Variants in PGM2L1 observed in about 807,000 individuals in gnomAD.
The protein encoded by PGM2L1 is phosphoglucomutase 2 like 1, also known as glucose 1,6-bisphosphate synthase.
In PGM2L1, 35 loss-of-function variants were observed where a neutral mutation model predicts 73.4. The observed-to-expected ratio is 0.48, with a 90% CI of 0.36 to 0.63. The LOEUF (loss-of-function observed/expected upper bound fraction) is 0.63, where lower values mean the gene tolerates loss of function less well. PGM2L1 is among the 30% of genes least tolerant of loss of function. The pLI is 0.00. For missense variants in PGM2L1, 570 were observed against 742.0 expected (o/e 0.77, Z 2.69); for synonymous variants, 225 against 253.8 (o/e 0.89, Z 1.08).
rs1360302132 is a variant in PGM2L1, at chr11:74,371,755, C to T, written c.342G>A (p.Gly114=). ...SDFKQRGFVV[G]YDTRGQVTSS... is the part of the protein sequence containing the mutation. ...TAGTTACTTGACCCCGAGTGTCATACCCAACCACAAAGCCTCTCTGCTTGA... is the reference window on the plus strand; with the variant it reads ...TAGTTACTTGACCCCGAGTGTCATATCCAACCACAAAGCCTCTCTGCTTGA... The change falls in exon 3 of 14, where the codon GGG becomes GGA. Residue 114 remains glycine (G), a synonymous_variant. Transcript: ENST00000298198. The T allele has an allele frequency of 5.0e-6, 8 of 1,613,834 alleles. No individual in the cohort carries two copies. In the African/African-American group the frequency reaches 9.3e-5, roughly 19 times the overall value.
intron 1 of PGM2L1, among the ~76,000 whole-genome samples, chr11:74,379,590 A>G (rs987613341): frequency 3.9e-5 from 6 of 152,188 alleles, no homozygotes; most frequent in Non-Finnish European, 8.8e-5. Flanking sequence ...ATTGTTTAGA[A>G]GATTGGAACA....
chr11:74,374,378 A>T (rs749814156), intron 2 of PGM2L1, 37 bp downstream of exon 2: 1 of 1,487,882 alleles, frequency 6.7e-7, no homozygotes, highest in Admixed American at 1.9e-5. Context: ...CACCATGTCC[A>T]GTCAAAAGTA....
chr11:74,391,368 G>A (rs979661465), intron 1 of PGM2L1, among the ~76,000 whole-genome samples: 7 of 151,966 alleles, frequency 4.6e-5, no homozygotes, highest in African/African-American at 1.7e-4. Context: ...TGGAACCCCA[G>A]TGTGGATCAG....
intron 5 of PGM2L1, 64 bp from the exon 6 acceptor site, chr11:74,351,640 A>G (rs1185223308): frequency 7.3e-7 from 1 of 1,378,232 alleles, no homozygotes; most frequent in Non-Finnish European, 9.9e-7. Context: ...TCTTGTCTAT[A>G]GTTGAGATCT....
chr11:74,343,598 C>A, intron 9 of PGM2L1, among the ~76,000 whole-genome samples, 182 bp from the exon 10 acceptor site: 1 of 152,066 alleles, frequency 6.6e-6, no homozygotes, highest in Non-Finnish European at 1.5e-5. Context: ...CACACTGCTA[C>A]TACTAATGAC....
At chr11:74,360,164 A>G (rs1046711217) in intron 5 of PGM2L1, among the ~76,000 whole-genome samples, 1 of 152,098 alleles carries the variant, frequency 6.6e-6, no homozygotes, top group Non-Finnish European at 1.5e-5. Flanking sequence ...TGGAAGGTTG[A>G]AGCTGCAGTG....
chr11:74,353,449 G>A (rs919549736), intron 5 of PGM2L1, among the ~76,000 whole-genome samples: 1 of 151,568 alleles, frequency 6.6e-6, no homozygotes, highest in Non-Finnish European at 1.5e-5. Context: ...ATGTGAACAA[G>A]GGTCTCTGGT....
rs1862415903 is a variant in PGM2L1, at chr11:74,354,724, T to A, written c.556-3148A>T. On this transcript the variant is annotated intron_variant, in intron 5 of 13. Transcript: ENST00000298198. ...AAAGAGAGCTGTTTCAAGAGAAAAT[T>A]CTCAAACACCAGGTGCCCACTTAAC... 6 of 1,076,336 alleles carry A rather than the reference T, an allele frequency of 5.6e-6. No individual in the cohort carries two copies. The South Asian group carries it at 7.5e-5, about 13-fold the overall frequency. 66.7% of individuals were successfully genotyped at this position (1,076,336 alleles called of 1,614,324 possible).
chr11:74,345,992 A>T (rs1862255436), intron 8 of PGM2L1, among the ~76,000 whole-genome samples: 1 of 151,888 alleles, frequency 6.6e-6, no homozygotes, highest in Admixed American at 6.6e-5. Flanking sequence ...ATTAGGAAAT[A>T]GGTGGCTCAT....
chr11:74,346,870 C>T (rs754055266), intron 7 of PGM2L1, 41 bp from the exon 8 acceptor site: 29 of 1,458,894 alleles, frequency 2.0e-5, no homozygotes, highest in Admixed American at 5.0e-5. Context: ...ACTGAAGAAC[C>T]TAAGTTCAAT....
At position 74,330,472 on chromosome 11, in the gene PGM2L1, TG is replaced by T. The variant is rs1403397805; in HGVS notation, c.*6179del. The stretch of plus-strand genomic sequence containing the variant: ...AAAATGAGAAGATGTTGACAGAAAC[TG>T]TTAAAACAAGGGCACAATTTTGAAC... On this transcript the variant is annotated 3_prime_UTR_variant, in exon 14 of 14. Transcript: ENST00000298198. 1 of 152,664 alleles carries T rather than the reference TG, an allele frequency of 6.6e-6. No individual in the cohort carries two copies. Among genetic ancestry groups the T allele is most frequent in the Non-Finnish European group, 1.5e-5 (1 of 68,036 alleles). 9.5% of individuals were successfully genotyped at this position (152,664 alleles called of 1,614,324 possible). A position where few individuals can be genotyped will look rare whatever the true frequency, so the allele number is the denominator to read the frequency against.
intron 1 of PGM2L1, among the ~76,000 whole-genome samples, chr11:74,376,367 TTGGG>T (rs1862852595): frequency 6.6e-6 from 1 of 151,974 alleles, no homozygotes; most frequent in Non-Finnish European, 1.5e-5. Context: ...AATAATTGTG[TTGGG>T]GTGTTAATAA....
At chr11:74,363,533 G>C (rs1311799877) in intron 5 of PGM2L1, among the ~76,000 whole-genome samples, 2 of 152,074 alleles carry the variant, frequency 1.3e-5, no homozygotes, top group African/African-American at 4.8e-5. Flanking sequence ...AAATGATAAA[G>C]GGGATATCAC....
At chr11:74,373,135 TC>T (rs1862800010) in intron 2 of PGM2L1, among the ~76,000 whole-genome samples, 1 of 152,190 alleles carries the variant, frequency 6.6e-6, no homozygotes, top group African/African-American at 2.4e-5. Flanking sequence ...CACCATGGAA[TC>T]CCAAATCCAG....
At position 74,398,392 on chromosome 11, in the gene PGM2L1, T is replaced by A; in HGVS notation, c.-231A>T. 5.6e-6 allele frequency: 3 copies of A among 536,220 alleles called. No homozygotes were observed. The highest frequency in any genetic ancestry group is 8.6e-5 in the South Asian group (2 of 23,362). The allele number at this position is 536,220 out of a possible 1,614,324, so 33.2% of individuals were successfully genotyped here. On this transcript the variant is annotated 5_prime_UTR_variant, in exon 1 of 14. Transcript: ENST00000298198. Reference sequence around the variant, plus strand: ...ACCAGGTCCGGGTCTCTGGGCGAAGTGACTGAGGCGGTCGCGCCGCGAGAG... The same window carrying A: ...ACCAGGTCCGGGTCTCTGGGCGAAGAGACTGAGGCGGTCGCGCCGCGAGAG...
At chr11:74,368,784 T>G (rs1332258747) in intron 4 of PGM2L1, among the ~76,000 whole-genome samples, 1 of 152,220 alleles carries the variant, frequency 6.6e-6, no homozygotes, top group Non-Finnish European at 1.5e-5. Flanking sequence ...TCTTCTGTTT[T>G]AGCACAAACA....
rs533587978 is a variant in PGM2L1 at position 74,351,961 on chromosome 11, CA to C, written c.556-386del. On this transcript the variant is annotated intron_variant, in intron 5 of 13. Transcript: ENST00000298198. ...TGAGCTACAGAGCGAGACTCTGTCT[CA>C]AAAAAAAAAATAAATAAAAATAAAA... 4.8e-3 allele frequency among the ~76,000 whole-genome samples: 641 copies of C among 134,218 alleles called. 7 individuals carry two copies. The highest frequency in any genetic ancestry group is 0.014 in the African/African-American group (502 of 36,000). The allele number at this position is 134,218 out of a possible 152,430, so 88.1% of individuals were successfully genotyped here. A position where few individuals can be genotyped will look rare whatever the true frequency, so the allele number is the denominator to read the frequency against.
intron 12 of PGM2L1, among the ~76,000 whole-genome samples, chr11:74,339,499 T>TA (rs1862151637): frequency 6.6e-6 from 1 of 152,168 alleles, no homozygotes; most frequent in Non-Finnish European, 1.5e-5. Context: ...GGTCAGTACA[T>TA]TACCATATAC....
chr11:74,351,255 A>G, intron 6 of PGM2L1, 128 bp downstream of exon 6: 1 of 864,542 alleles, frequency 1.2e-6, no homozygotes, highest in Non-Finnish European at 1.7e-6. Flanking sequence ...CCACTCTTTG[A>G]CTCTTATGAG....
Sources: allele counts gnomAD v4.1 joint callset (sites outside exome capture counted in the v4.1 genomes callset), GRCh38; gene constraint gnomAD v4.1.1; transcripts MANE v1.5; gene names NCBI Gene and HGNC (gene_info 2026-07-23, HGNC 2026-07-21).